Variants in FRMD3 observed in about 807,000 individuals in gnomAD.
FRMD3 encodes the protein FERM domain-containing protein 3.
FRMD3 carries 33 observed loss-of-function variants against 70.2 expected under a neutral mutation model. The ratio of observed to expected loss-of-function variants is 0.47; its 90% confidence interval spans 0.36 to 0.63. FRMD3 has a LOEUF of 0.63. Among genes scored for constraint, FRMD3 ranks in the 20% least tolerant of loss-of-function variants. The pLI, the probability that FRMD3 is intolerant of heterozygous loss-of-function variation, is 0.00. For missense variants in FRMD3, 632 were observed against 711.4 expected (o/e 0.89, Z 1.27); for synonymous variants, 279 against 255.9 (o/e 1.09, Z -0.86).
chr9:83,550,723 T>TGTGC, the FRMD3 span, among the ~76,000 whole-genome samples: 6 of 150,496 alleles, frequency 4.0e-5, no homozygotes, highest in South Asian at 2.1e-4. Context: ...TGTGTGTGTG[T>TGTGC]GCATTCATGT....
chr9:83,470,236 A>G lies in FRMD3; in HGVS notation c.147+67849T>C, dbSNP rs182167158. Among the ~76,000 whole-genome samples the G allele has an allele frequency of 6.6e-5, 10 of 152,314 alleles. No homozygotes were observed. The Middle Eastern group carries it at 0.01, about 155-fold the overall frequency. ...CACTGGAGCACATTTAGAAAAGCCC[A>G]GAGAAGGTTCTGGACCTCACCCCAC... is the stretch of plus-strand genomic sequence containing the variant. On this transcript the variant is annotated intron_variant, in intron 1 of 13. Coordinates refer to ENST00000304195, the MANE Select transcript of FRMD3 (RefSeq NM_174938.6).
chr9:83,284,065 T>A (rs1022755357), intron 13 of FRMD3, among the ~76,000 whole-genome samples: 3 of 103,394 alleles, frequency 2.9e-5, no homozygotes, highest in Non-Finnish European at 4.4e-5. Context: ...GATGTTATTT[T>A]TTTTTTTTTT....
Position 83,245,146 on chromosome 9 carries a change from T to A in FRMD3, c.*2772A>T. ...AGGGCAAAATAAGCACAATTATGCA[T>A]GAGGGGCATATATGTTGTGTCTATT... On this transcript the variant is annotated 3_prime_UTR_variant, in exon 14 of 14. Coordinates refer to ENST00000304195, the MANE Select transcript of FRMD3 (RefSeq NM_174938.6). 1 of 985,260 alleles carries A rather than the reference T, an allele frequency of 1.0e-6. No homozygotes were observed. Among genetic ancestry groups the A allele is most frequent in the Non-Finnish European group, 1.2e-6 (1 of 829,778 alleles). The allele number at this position is 985,260 out of a possible 1,614,324, so 61.0% of individuals were successfully genotyped here. A position where few individuals can be genotyped will look rare whatever the true frequency, so the allele number is the denominator to read the frequency against.
At chr9:83,583,773 T>G in the FRMD3 span, among the ~76,000 whole-genome samples, 2 of 152,088 alleles carry the variant, frequency 1.3e-5, no homozygotes, top group African/African-American at 4.8e-5. Context: ...CACGGCCAGC[T>G]GATTTTTGTA....
intron 1 of FRMD3, among the ~76,000 whole-genome samples, chr9:83,412,305 C>G (rs1474589806): frequency 6.6e-6 from 1 of 152,122 alleles, no homozygotes; most frequent in Non-Finnish European, 1.5e-5. Flanking sequence ...GGGGTAGTTT[C>G]CAGTTTTTAG....
chr9:83,564,350 G>A, the FRMD3 span, among the ~76,000 whole-genome samples: 1 of 152,294 alleles, frequency 6.6e-6, no homozygotes, highest in Admixed American at 6.5e-5. Flanking sequence ...AGAGAGGGAG[G>A]AGAATTTTCT....
chr9:83,476,822 C>T (rs1484576731), intron 1 of FRMD3, among the ~76,000 whole-genome samples: 1 of 152,112 alleles, frequency 6.6e-6, no homozygotes, highest in African/African-American at 2.4e-5. Flanking sequence ...CTCCTTATCA[C>T]AGGATTTCAT....
At chr9:83,404,058 G>A (rs184371967) in intron 1 of FRMD3, among the ~76,000 whole-genome samples, 3 of 116,460 alleles carry the variant, frequency 2.6e-5, no homozygotes, top group Admixed American at 2.5e-4. Flanking sequence ...GGGAATTCCT[G>A]CATACACACG....
chr9:83,394,991 T>C (rs1262766535), intron 1 of FRMD3, among the ~76,000 whole-genome samples: 2 of 152,196 alleles, frequency 1.3e-5, no homozygotes, highest in Admixed American at 1.3e-4. Flanking sequence ...CATTCATGTA[T>C]CTATTAAACA....
At chr9:83,441,329 G>A (rs980830797) in intron 1 of FRMD3, among the ~76,000 whole-genome samples, 2 of 152,084 alleles carry the variant, frequency 1.3e-5, no homozygotes, top group Non-Finnish European at 1.5e-5. Flanking sequence ...CCGACTGAAC[G>A]GATCCCAAGG....
the FRMD3 span, among the ~76,000 whole-genome samples, chr9:83,580,219 T>C: frequency 2.0e-5 from 3 of 152,170 alleles, no homozygotes; most frequent in South Asian, 6.2e-4. Flanking sequence ...GAAAAAATTG[T>C]GTGTAGGTTG....
At chr9:83,290,901 T>A (rs973713218) in intron 12 of FRMD3, among the ~76,000 whole-genome samples, 174 bp from the exon 13 acceptor site, 3 of 152,074 alleles carry the variant, frequency 2.0e-5, no homozygotes, top group Non-Finnish European at 4.4e-5. Flanking sequence ...CCCTTTCTGC[T>A]CTTAAGGTCC....
At chr9:83,369,311 C>T (rs1824893108) in intron 3 of FRMD3, among the ~76,000 whole-genome samples, 1 of 152,196 alleles carries the variant, frequency 6.6e-6, no homozygotes, top group South Asian at 2.1e-4. Context: ...CACAGTGGCT[C>T]ACACCTGTAA....
intron 1 of FRMD3, among the ~76,000 whole-genome samples, chr9:83,411,185 C>A (rs946914981): frequency 2.0e-5 from 3 of 152,210 alleles, no homozygotes; most frequent in Non-Finnish European, 4.4e-5. Flanking sequence ...CTGTCCCAGG[C>A]ATTTCATAAA....
the FRMD3 span, among the ~76,000 whole-genome samples, chr9:83,573,148 G>T: frequency 6.6e-6 from 1 of 152,114 alleles, no homozygotes; most frequent in Non-Finnish European, 1.5e-5. Flanking sequence ...TTTATGTTCA[G>T]TTTAGGTCAA....
chr9:83,311,865 A>T (rs1250121694), intron 8 of FRMD3, 22 bp downstream of exon 8: 1 of 1,526,724 alleles, frequency 6.5e-7, no homozygotes. Flanking sequence ...ATGGAAAGCC[A>T]GTTTTCCAAA....
rs757987447 is a variant in FRMD3, at chr9:83,310,551, A to G, written c.774-3T>C. The G allele has an allele frequency of 1.3e-6, 2 of 1,588,338 alleles. No homozygotes were observed. The highest frequency in any genetic ancestry group is 1.4e-5 in the African/African-American group (1 of 73,026). On this transcript the variant is annotated splice_region_variant and splice_polypyrimidine_tract_variant and intron_variant, in intron 8 of 13. Transcript: ENST00000304195. Reference sequence around the variant, plus strand: ...ACTTCAATTTGCAGACATCTGGCCTAAGAAAAGAAAATCTCTGGGTAAGAA... The same window carrying G: ...ACTTCAATTTGCAGACATCTGGCCTGAGAAAAGAAAATCTCTGGGTAAGAA...
At chr9:83,436,458 ATGTGTGTG>A (rs148417744) in intron 1 of FRMD3, among the ~76,000 whole-genome samples, 30 of 144,660 alleles carry the variant, frequency 2.1e-4, no homozygotes, top group African/African-American at 5.4e-4. Flanking sequence ...AATTAATAAG[ATGTGTGTG>A]TGTGTGTGTG....
intron 1 of FRMD3, among the ~76,000 whole-genome samples, chr9:83,436,492 C>G (rs374004938): frequency 2.4e-4 from 27 of 113,472 alleles, no homozygotes; most frequent in South Asian, 5.0e-4. Flanking sequence ...GTGTGTGTGT[C>G]TGCATGCACA....
Sources: gnomAD v4.1 joint callset for allele counts (sites outside exome capture counted in the v4.1 genomes callset) on GRCh38, gnomAD v4.1.1 for gene constraint, MANE v1.5 for transcripts, NCBI Gene and HGNC (gene_info 2026-07-23, HGNC 2026-07-21) for gene names.